KDM4C: variants seen among roughly 807,000 people sequenced by gnomAD.
KDM4C encodes the protein lysine demethylase 4C.
A neutral mutation model predicts 129.3 loss-of-function variants in KDM4C; 81 were observed. That is an observed-to-expected ratio of 0.63 (90% CI 0.52 to 0.75). The LOEUF (loss-of-function observed/expected upper bound fraction) is 0.75, where lower values mean the gene tolerates loss of function less well. Ranked by LOEUF, KDM4C falls within the 30% of genes least tolerant of loss-of-function variation. The pLI, the probability that KDM4C is intolerant of heterozygous loss-of-function variation, is 0.00. For synonymous variants in KDM4C, 573 were observed against 456.1 expected, an observed-to-expected ratio of 1.26 and a Z score of -3.26; for missense variants, 1,457 against 1,304.0, an observed-to-expected ratio of 1.12 and a Z score of -1.81.
chr9:6,858,385 T>TC (rs1840284349), intron 5 of KDM4C, among the ~76,000 whole-genome samples: 1 of 152,056 alleles, frequency 6.6e-6, no homozygotes, highest in East Asian at 1.9e-4. Flanking sequence ...AACATTGACA[T>TC]CCCTTCAAAT....
intron 15 of KDM4C, among the ~76,000 whole-genome samples, chr9:7,041,123 G>C (rs968965081): frequency 3.3e-5 from 5 of 151,608 alleles, no homozygotes; most frequent in Admixed American, 2.6e-4. Flanking sequence ...TGGATATGTG[G>C]ATTCAACCAA....
At chr9:7,075,624 A>T (rs1833819489) in intron 17 of KDM4C, among the ~76,000 whole-genome samples, 1 of 152,092 alleles carries the variant, frequency 6.6e-6, no homozygotes, top group African/African-American at 2.4e-5. Context: ...GGTCCTCACC[A>T]CATGCAGATG....
intron 19 of KDM4C, among the ~76,000 whole-genome samples, chr9:7,140,086 C>A (rs1841588898): frequency 6.6e-6 from 1 of 152,162 alleles, no homozygotes; most frequent in South Asian, 2.1e-4. Flanking sequence ...GAGATCTTAT[C>A]CAGAAGCTGC....
At chr9:6,748,397 C>G (rs1416303957) in intron 1 of KDM4C, among the ~76,000 whole-genome samples, 1 of 150,874 alleles carries the variant, frequency 6.6e-6, no homozygotes, top group Non-Finnish European at 1.5e-5. Flanking sequence ...ATCTCAGCTA[C>G]TAGGGAGGCT....
At chr9:7,165,168 C>T (rs2130421163) in intron 19 of KDM4C, 70 bp from the exon 20 acceptor site, 1 of 1,561,462 alleles carries the variant, frequency 6.4e-7, no homozygotes, top group East Asian at 2.3e-5. Flanking sequence ...AGGAGTTCAT[C>T]ATTTGCTAAG....
In KDM4C at chr9:6,986,548, G is replaced by GTAA; in HGVS notation, c.1561_1563dup (p.Asn521dup). Reference sequence around the variant, plus strand: ...GAGTCATGCTCATCAGTGGCAGAGAGTAATGGTGTGTTAACAGAGGGAGAA... The same window carrying GTAA: ...GAGTCATGCTCATCAGTGGCAGAGAGTAATAATGGTGTGTTAACAGAGGGAGAA... On this transcript the variant is annotated inframe_insertion, in exon 11 of 22. Coordinates refer to ENST00000381309, the MANE Select transcript of KDM4C (RefSeq NM_015061.6). The GTAA allele has an allele frequency of 6.2e-7, 1 of 1,614,182 alleles. No individual in the cohort carries two copies. The highest frequency in any genetic ancestry group is 8.5e-7 in the Non-Finnish European group (1 of 1,180,034).
chr9:7,108,326 T>C (rs1306315933), intron 18 of KDM4C, among the ~76,000 whole-genome samples: 3 of 152,190 alleles, frequency 2.0e-5, no homozygotes, highest in Non-Finnish European at 4.4e-5. Context: ...AACCTCTGCT[T>C]CCTGGGCTCA....
intron 4 of KDM4C, 103 bp downstream of exon 4, chr9:6,814,848 A>G (rs1222159148): frequency 1.7e-6 from 1 of 594,466 alleles, no homozygotes; most frequent in Admixed American, 3.1e-5. Context: ...CTTTTGGGTG[A>G]TCCATAATTC....
In KDM4C at chr9:6,815,802, G is replaced by A. The variant is rs118010001; in HGVS notation, c.435+1057G>A. On this transcript the variant is annotated intron_variant, in intron 4 of 21. Transcript: ENST00000381309. Reference sequence around the variant, plus strand: ...AATCTGACATCTGAAATACCTCTGGGCCCAAGCATTATGGGTAAGGGATAC... The same window carrying A: ...AATCTGACATCTGAAATACCTCTGGACCCAAGCATTATGGGTAAGGGATAC... 3.6e-3 allele frequency among the ~76,000 whole-genome samples: 546 copies of A among 152,238 alleles called. 2 individuals carry two copies. Among genetic ancestry groups the A allele is most frequent in the Non-Finnish European group, 5.7e-3 (387 of 68,010 alleles).
chr9:6,985,652 C>G (rs1368054579), intron 10 of KDM4C, among the ~76,000 whole-genome samples: 1 of 152,080 alleles, frequency 6.6e-6, no homozygotes, highest in Non-Finnish European at 1.5e-5. Context: ...GAGAGTTAGG[C>G]AATACATATG....
Position 6,725,463 on chromosome 9 carries a change from A to G in KDM4C, c.49+4466A>G, listed in dbSNP as rs571223628. On this transcript the variant is annotated intron_variant, in intron 1 of 17. Coordinates refer to the KDM4C transcript ENST00000536108. ...AATAATTTTCCATCTTCTCTGTCGT[A>G]TGTCACAGATTCTCTCTTTTTTATT... Among the ~76,000 whole-genome samples the G allele has an allele frequency of 2.6e-5, 4 of 152,068 alleles. No individual in the cohort carries two copies. The East Asian group carries it at 5.8e-4, about 22-fold the overall frequency.
chr9:6,776,261 A>G lies in KDM4C; in HGVS notation c.-17-16711A>G, dbSNP rs559892559. On this transcript the variant is annotated intron_variant, in intron 1 of 21. Transcript: ENST00000381309. ...GGTGTATGCCACCATGCCCCGCTCA[A>G]CACATCTTTCTTTCCTTTTTTGAGA... is the stretch of plus-strand genomic sequence containing the variant. Among the ~76,000 whole-genome samples, 6 of 152,054 alleles carry G rather than the reference A, an allele frequency of 3.9e-5. No homozygotes were observed. In the South Asian group the frequency reaches 1.2e-3, roughly 32 times the overall value.
At chr9:6,960,819 T>C (rs1829911418) in intron 8 of KDM4C, among the ~76,000 whole-genome samples, 1 of 151,232 alleles carries the variant, frequency 6.6e-6, no homozygotes, top group Non-Finnish European at 1.5e-5. Context: ...TCCTGGCCTT[T>C]AGAAATGCCT....
At chr9:7,155,915 A>G (rs183082185) in intron 19 of KDM4C, among the ~76,000 whole-genome samples, 1 of 152,332 alleles carries the variant, frequency 6.6e-6, no homozygotes, top group East Asian at 1.9e-4. Context: ...CTAGTTCTAG[A>G]TCCGTGAGCA....
intron 8 of KDM4C, among the ~76,000 whole-genome samples, chr9:6,929,471 C>CTTTTTTTTTTTTTT (rs59537472): frequency 4.7e-5 from 6 of 127,546 alleles, no homozygotes; most frequent in Non-Finnish European, 5.0e-5. Context: ...TTGACTTTTT[C>CTTTTTTTTTTTTTT]TTTTTTTTTT....
chr9:6,804,218 A>G (rs752451301), intron 2 of KDM4C, among the ~76,000 whole-genome samples: 95 of 152,228 alleles, frequency 6.2e-4, no homozygotes, highest in Non-Finnish European at 9.8e-4. Flanking sequence ...TAAATACTGC[A>G]GGCAAACACT....
At chr9:6,937,810 C>G (rs952373637) in intron 8 of KDM4C, among the ~76,000 whole-genome samples, 7 of 152,140 alleles carry the variant, frequency 4.6e-5, no homozygotes, top group Admixed American at 2.6e-4. Context: ...CTCCCGGGTT[C>G]AAGCAATTTT....
intron 1 of KDM4C, among the ~76,000 whole-genome samples, chr9:6,764,176 T>C (rs1046031110): frequency 6.6e-6 from 1 of 152,228 alleles, no homozygotes; most frequent in African/African-American, 2.4e-5. Flanking sequence ...CAGAGATTTC[T>C]AGAGAATGGT....
At chr9:6,996,939 C>G (rs1333756515) in intron 12 of KDM4C, among the ~76,000 whole-genome samples, 2 of 152,030 alleles carry the variant, frequency 1.3e-5, no homozygotes, top group Non-Finnish European at 2.9e-5. Context: ...TATAAAACAA[C>G]TAGAAATAAT....
Sources: allele counts gnomAD v4.1 joint callset (sites outside exome capture counted in the v4.1 genomes callset), GRCh38; gene constraint gnomAD v4.1.1; transcripts MANE v1.5; gene names NCBI Gene and HGNC (gene_info 2026-07-23, HGNC 2026-07-21).